DOCK4: variants seen among roughly 807,000 people sequenced by gnomAD.
The protein encoded by DOCK4 is dedicator of cytokinesis 4, also known as dedicator of cytokinesis protein 4.
A neutral mutation model predicts 268.1 loss-of-function variants in DOCK4; 97 were observed. The observed-to-expected ratio is 0.36, with a 90% confidence interval of 0.31 to 0.43. DOCK4 has a LOEUF of 0.43. Ranked by LOEUF, DOCK4 falls within the 20% of genes least tolerant of loss-of-function variation. DOCK4 has a pLI of 1.00. For missense variants in DOCK4, 2,145 were observed against 2,455.7 expected, an observed-to-expected ratio of 0.87 and a Z score of 2.67; for synonymous variants, 954 against 887.2, an observed-to-expected ratio of 1.08 and a Z score of -1.34.
At chr7:112,022,924 T>C (rs1390916296) in intron 1 of DOCK4, among the ~76,000 whole-genome samples, 1 of 152,106 alleles carries the variant, frequency 6.6e-6, no homozygotes, top group Non-Finnish European at 1.5e-5. Flanking sequence ...TTTTCTTCTT[T>C]TTTTGTTTTT....
At chr7:112,100,337 C>T (rs778134118) in intron 1 of DOCK4, among the ~76,000 whole-genome samples, 11 of 152,298 alleles carry the variant, frequency 7.2e-5, no homozygotes, top group Middle Eastern at 3.4e-3. Flanking sequence ...GGAATAGATA[C>T]GCATTTGGAT....
At chr7:111,732,202 C>T (rs1191044003) in intron 52 of DOCK4, 24 bp downstream of exon 52, 3 of 1,612,992 alleles carry the variant, frequency 1.9e-6, no homozygotes, top group Admixed American at 1.7e-5. Flanking sequence ...AGTCTCTAGC[C>T]TCAGTCGAAA....
At chr7:112,189,949 A>G (rs1819801414) in intron 1 of DOCK4, among the ~76,000 whole-genome samples, 1 of 151,914 alleles carries the variant, frequency 6.6e-6, no homozygotes, top group African/African-American at 2.4e-5. Flanking sequence ...TATGTTTCAG[A>G]TTTTATGTAA....
At position 111,728,510 on chromosome 7, in the gene DOCK4, C is replaced by G. The variant is rs371949611; in HGVS notation, c.5692G>C (p.Gly1898Arg). The change falls in exon 53 of 53, where the codon GGG (glycine) becomes CGG (arginine). Residue 1898 changes from glycine (G) to arginine (R), a missense_variant. Gly to Arg is a moderately radical substitution (Grantham distance 125, BLOSUM62 -2). Transcript: ENST00000428084. ...PVPVPVPSYG[G>R]EEPVRKESKT... ...CTCTCCTTGCGCACTGGCTCCTCCC[C>G]GCCGTAGCTCGGCACGGGCACCGGC... The G allele has an allele frequency of 1.4e-5, 22 of 1,613,382 alleles. No homozygotes were observed. The South Asian group carries it at 2.1e-4, about 15-fold the overall frequency.
At chr7:112,048,562 CA>C (rs1487985164) in intron 1 of DOCK4, among the ~76,000 whole-genome samples, 1 of 140,582 alleles carries the variant, frequency 7.1e-6, no homozygotes, top group East Asian at 2.5e-4. Flanking sequence ...GACCCCATCT[CA>C]AAAAAACAAA....
chr7:111,853,282 G>T (rs1489032285), intron 23 of DOCK4, among the ~76,000 whole-genome samples: 1 of 152,174 alleles, frequency 6.6e-6, no homozygotes, highest in East Asian at 1.9e-4. Context: ...GCACACAAGG[G>T]TTGGCCGTTA....
intron 23 of DOCK4, among the ~76,000 whole-genome samples, chr7:111,859,980 T>C (rs1020450625): frequency 1.3e-5 from 2 of 152,198 alleles, no homozygotes; most frequent in African/African-American, 4.8e-5. Flanking sequence ...TATACAGTTT[T>C]ATATTGTCCC....
chr7:112,181,055 A>G (rs535110524), intron 1 of DOCK4, among the ~76,000 whole-genome samples: 1 of 152,202 alleles, frequency 6.6e-6, no homozygotes, highest in Non-Finnish European at 1.5e-5. Flanking sequence ...AATAACTTCA[A>G]ATGTTGTTAA....
chr7:111,757,748 AG>A (rs1797128221), intron 41 of DOCK4, among the ~76,000 whole-genome samples: 1 of 152,230 alleles, frequency 6.6e-6, no homozygotes, highest in African/African-American at 2.4e-5. Flanking sequence ...GAGCTGACCA[AG>A]TGAGTTAACA....
At chr7:112,025,873 GT>G (rs1802740484) in intron 1 of DOCK4, among the ~76,000 whole-genome samples, 2 of 152,080 alleles carry the variant, frequency 1.3e-5, no homozygotes, top group African/African-American at 2.4e-5. Flanking sequence ...CTGAGAGAGT[GT>G]CCCCTCCACC....
intron 1 of DOCK4, among the ~76,000 whole-genome samples, chr7:112,191,984 T>C (rs1327615903): frequency 6.7e-6 from 1 of 148,262 alleles, no homozygotes; most frequent in Non-Finnish European, 1.5e-5. Context: ...TATATAAGTA[T>C]ACTTAAATAT....
Position 111,944,842 on chromosome 7 carries a change from G to A in DOCK4, c.813C>T (p.Asp271=). 1 of 1,613,928 alleles carries A rather than the reference G, an allele frequency of 6.2e-7. No individual in the cohort carries two copies. The highest frequency in any genetic ancestry group is 1.1e-5 in the South Asian group (1 of 91,080). ...VDLGSSELRK[D]IYITVHIIRI... ...GGATAATGTGCACGGTGATATAAAT[G>A]TCCTTTCTTAGCTCACTGCTGCCCA... Residue 271 remains aspartate (D), a synonymous_variant, in exon 10 of 53, where the codon GAC becomes GAT. Coordinates refer to ENST00000428084, the MANE Select transcript of DOCK4 (RefSeq NM_001363540.2).
At chr7:112,037,429 C>T (rs762059719) in intron 1 of DOCK4, among the ~76,000 whole-genome samples, 1 of 152,186 alleles carries the variant, frequency 6.6e-6, no homozygotes, top group African/African-American at 2.4e-5. Context: ...CCAGAAACTT[C>T]CTTTTTGCAC....
rs990106435 is a variant in DOCK4 at position 112,051,867 on chromosome 7, A to G, written c.38-47736T>C. ...AAGACTTAATTTTAATTAAAACCTT[A>G]AAGAAGTCTAGCTAAATAGCTAGAC... On this transcript the variant is annotated intron_variant, in intron 1 of 52. Coordinates refer to ENST00000428084, the MANE Select transcript of DOCK4 (RefSeq NM_001363540.2). Among the ~76,000 whole-genome samples the G allele has an allele frequency of 2.6e-5, 4 of 152,156 alleles. No homozygotes were observed. In the South Asian group the frequency reaches 8.3e-4, roughly 31 times the overall value.
At chr7:111,907,747 T>C (rs537305234) in intron 13 of DOCK4, among the ~76,000 whole-genome samples, 1 of 152,286 alleles carries the variant, frequency 6.6e-6, no homozygotes, top group South Asian at 2.1e-4. Context: ...AATGTATATT[T>C]TGATACAGAG....
chr7:112,134,762 C>G (rs537566198), intron 1 of DOCK4, among the ~76,000 whole-genome samples: 3 of 151,876 alleles, frequency 2.0e-5, no homozygotes, highest in African/African-American at 7.2e-5. Context: ...ATATCTAAGA[C>G]CAGAAAAATA....
chr7:111,984,462 T>C lies in DOCK4; in HGVS notation c.465-72A>G, dbSNP rs557418488. The C allele has an allele frequency of 1.7e-4, 231 of 1,341,328 alleles. 1 individual carries two copies. In the South Asian group the frequency reaches 2.3e-3, roughly 13 times the overall value. 83.1% of individuals were successfully genotyped at this position (1,341,328 alleles called of 1,614,324 possible). ...AATATGTTAAAAACAATTGGTTTTT[T>C]ACTATATCACTTGGAAATTAGGTAT... On this transcript the variant is annotated intron_variant, in intron 6 of 52. Coordinates refer to ENST00000428084, the MANE Select transcript of DOCK4 (RefSeq NM_001363540.2).
intron 1 of DOCK4, among the ~76,000 whole-genome samples, chr7:112,136,018 C>G (rs1814309477): frequency 6.6e-6 from 1 of 152,090 alleles, no homozygotes; most frequent in Admixed American, 6.6e-5. Context: ...CAGATTTTTC[C>G]TGTGTCATAC....
intron 1 of DOCK4, among the ~76,000 whole-genome samples, chr7:112,104,159 T>G (rs1044573293): frequency 9.2e-5 from 14 of 152,294 alleles, no homozygotes; most frequent in African/African-American, 3.4e-4. Flanking sequence ...TGCAGAGAAA[T>G]TCATTCTGAA....
Sources: gnomAD v4.1 joint callset for allele counts (sites outside exome capture counted in the v4.1 genomes callset) on GRCh38, gnomAD v4.1.1 for gene constraint, MANE v1.5 for transcripts, NCBI Gene and HGNC (gene_info 2026-07-23, HGNC 2026-07-21) for gene names.